CDH22: variants seen among roughly 807,000 people sequenced by gnomAD.
CDH22 encodes the protein cadherin 22, also known as cadherin-22.
Under a neutral mutation model 58.4 loss-of-function variants are expected in CDH22, and 30 were observed. The observed-to-expected ratio is 0.51, with a 90% confidence interval of 0.38 to 0.70. CDH22 has a LOEUF of 0.70. CDH22 is among the 30% of genes least tolerant of loss of function. The pLI, the probability that CDH22 is intolerant of heterozygous loss-of-function variation, is 0.00. For missense variants in CDH22, 1,014 were observed against 1,233.9 expected (o/e 0.82, Z 2.67); for synonymous variants, 513 against 558.2 (o/e 0.92, Z 1.14).
At chr20:46,254,323 G>T (rs2086395803) in intron 1 of CDH22, among the ~76,000 whole-genome samples, 1 of 152,106 alleles carries the variant, frequency 6.6e-6, no homozygotes, top group African/African-American at 2.4e-5. Context: ...GGGAGGCCGA[G>T]GCAGGTGGAT....
chr20:46,275,013 T>C (rs895822613), intron 1 of CDH22, among the ~76,000 whole-genome samples: 17 of 152,200 alleles, frequency 1.1e-4, no homozygotes, highest in Non-Finnish European at 2.4e-4. Context: ...TGCAACTGCG[T>C]GGTGGTTGCA....
chr20:46,262,873 T>C (rs1159323041), intron 1 of CDH22, among the ~76,000 whole-genome samples: 2 of 152,202 alleles, frequency 1.3e-5, no homozygotes, highest in Non-Finnish European at 2.9e-5. Context: ...GTTAATGACA[T>C]TCATGCCTCT....
intron 8 of CDH22, among the ~76,000 whole-genome samples, chr20:46,196,431 G>C (rs903743839): frequency 2.6e-5 from 4 of 152,126 alleles, no homozygotes; most frequent in Non-Finnish European, 5.9e-5. Context: ...ACGCCACCAT[G>C]CCCAGTTAAT....
chr20:46,193,363 G>A (rs549715214), intron 8 of CDH22, among the ~76,000 whole-genome samples: 48 of 152,088 alleles, frequency 3.2e-4, no homozygotes, highest in Non-Finnish European at 5.4e-4. Context: ...TCTCTTTCCC[G>A]GGCAGCCTCC....
At chr20:46,209,738 C>G (rs1425034595) in intron 7 of CDH22, 1 of 152,246 alleles carries the variant, frequency 6.6e-6, no homozygotes, top group African/African-American at 2.4e-5. Context: ...TGAGAGGAGG[C>G]AAGGATGCCT....
At chr20:46,217,528 A>G (rs1157727479) in intron 4 of CDH22, among the ~76,000 whole-genome samples, 1 of 152,080 alleles carries the variant, frequency 6.6e-6, no homozygotes, top group Non-Finnish European at 1.5e-5. Context: ...ACACTCATAT[A>G]CCTTACAGAT....
intron 1 of CDH22, among the ~76,000 whole-genome samples, chr20:46,286,273 G>T (rs6017765): frequency 2.0e-5 from 3 of 152,150 alleles, no homozygotes; most frequent in East Asian, 1.9e-4. Flanking sequence ...GAACCCAGCT[G>T]CCTGGCTCTT....
intron 10 of CDH22, among the ~76,000 whole-genome samples, chr20:46,183,174 T>C (rs1165295245): frequency 6.6e-6 from 1 of 152,106 alleles, no homozygotes; most frequent in Non-Finnish European, 1.5e-5. Context: ...GCTGTACTGG[T>C]TGTTAAAATA....
At chr20:46,203,271 G>GGAGGGGTGGGAGGAAGCAGT (rs2085975062) in intron 7 of CDH22, among the ~76,000 whole-genome samples, 1 of 151,578 alleles carries the variant, frequency 6.6e-6, no homozygotes, top group Non-Finnish European at 1.5e-5. Context: ...AGGGAAGCAG[G>GGAGGGGTGGGAGGAAGCAGT]GAGGGGTGGG....
intron 3 of CDH22, 22 bp downstream of exon 3, chr20:46,240,941 A>G: frequency 6.3e-7 from 1 of 1,597,570 alleles, no homozygotes; most frequent in Non-Finnish European, 8.5e-7. Flanking sequence ...CCCATCCCCC[A>G]CCCCCAGGGC....
intron 1 of CDH22, among the ~76,000 whole-genome samples, chr20:46,281,666 G>C (rs1446536947): frequency 6.6e-6 from 1 of 152,220 alleles, no homozygotes; most frequent in Non-Finnish European, 1.5e-5. Flanking sequence ...TTATTTCGAA[G>C]GTAGGTAGCC....
intron 8 of CDH22, among the ~76,000 whole-genome samples, chr20:46,189,390 C>T (rs1345834046): frequency 1.3e-5 from 2 of 152,184 alleles, no homozygotes; most frequent in Non-Finnish European, 2.9e-5. Context: ...CAGCCAGGAA[C>T]AGGCGCCTCT....
intron 7 of CDH22, among the ~76,000 whole-genome samples, chr20:46,205,441 A>C (rs2085994729): frequency 6.6e-6 from 1 of 152,004 alleles, no homozygotes; most frequent in Non-Finnish European, 1.5e-5. Flanking sequence ...CTTGCCCAAG[A>C]CTCCACAACT....
chr20:46,275,689 T>G (rs1171074286), intron 1 of CDH22, among the ~76,000 whole-genome samples: 5 of 152,094 alleles, frequency 3.3e-5, no homozygotes, highest in African/African-American at 9.7e-5. Flanking sequence ...AAACGTTGTC[T>G]GAACACCCTC....
intron 1 of CDH22, among the ~76,000 whole-genome samples, chr20:46,260,375 T>A (rs755841330): frequency 9.2e-5 from 14 of 152,194 alleles, no homozygotes; most frequent in Non-Finnish European, 1.3e-4. Context: ...TTCCAGCCTC[T>A]ACTTCCTCCA....
At chr20:46,287,478 T>C (rs1224904235) in intron 1 of CDH22, among the ~76,000 whole-genome samples, 1 of 150,860 alleles carries the variant, frequency 6.6e-6, no homozygotes, top group Non-Finnish European at 1.5e-5. Context: ...CAGACTGGAG[T>C]GTGGGGGTGG....
At chr20:46,243,230 G>A (rs965145301) in intron 2 of CDH22, among the ~76,000 whole-genome samples, 3 of 152,200 alleles carry the variant, frequency 2.0e-5, no homozygotes, top group African/African-American at 7.2e-5. Flanking sequence ...GAGGAGCCGG[G>A]GTATAAATTC....
At chr20:46,255,877 C>T (rs73295847) in intron 1 of CDH22, among the ~76,000 whole-genome samples, 3,454 of 152,298 alleles carry the variant, frequency 0.023, 115 homozygotes, top group African/African-American at 0.078. Context: ...ACCTGGGGCA[C>T]GTTGGTGGCC....
intron 1 of CDH22, among the ~76,000 whole-genome samples, chr20:46,298,538 G>A (rs1192368247): frequency 3.9e-5 from 6 of 152,150 alleles, no homozygotes; most frequent in Admixed American, 6.5e-5. Context: ...GGATAGATGG[G>A]TGGAGGTGGG....
Sources: gnomAD v4.1 joint callset for allele counts (sites outside exome capture counted in the v4.1 genomes callset) on GRCh38, gnomAD v4.1.1 for gene constraint, MANE v1.5 for transcripts, NCBI Gene and HGNC (gene_info 2026-07-23, HGNC 2026-07-21) for gene names.